ACTR3C: variants seen among roughly 807,000 people sequenced by gnomAD.
The protein encoded by ACTR3C is actin related protein 3C, also known as actin-related protein 3C.
In ACTR3C, 18 loss-of-function variants were observed where a neutral mutation model predicts 26.3. The ratio of observed to expected loss-of-function variants is 0.68; its 90% CI spans 0.47 to 1.01. The LOEUF is 1.01. ACTR3C is among the 50% of genes least tolerant of loss of function. The pLI is 0.00. For missense variants in ACTR3C, 184 were observed against 250.7 expected, an observed-to-expected ratio of 0.73 and a Z score of 1.80; for synonymous variants, 55 against 94.5, an observed-to-expected ratio of 0.58 and a Z score of 2.42.
chr7:150,072,720 A>C, the ACTR3C span, among the ~76,000 whole-genome samples: 1 of 152,222 alleles, frequency 6.6e-6, no homozygotes, highest in Non-Finnish European at 1.5e-5. Context: ...GCAGGCAGGC[A>C]GCCACCCATG....
At chr7:150,169,387 G>A in the ACTR3C span, among the ~76,000 whole-genome samples, 50 of 32,372 alleles carry the variant, frequency 1.5e-3, no homozygotes, top group East Asian at 0.049. Context: ...CATTTCAAAA[G>A]GAAAAAAAAA....
the ACTR3C span, among the ~76,000 whole-genome samples, chr7:150,036,566 G>C: frequency 2.1e-5 from 3 of 144,350 alleles, 1 homozygote; most frequent in Non-Finnish European, 1.6e-5. Context: ...CGACCCCTTT[G>C]TGACCTCATA....
At chr7:150,267,751 A>T (rs1279115514) in intron 6 of ACTR3C, among the ~76,000 whole-genome samples, 2 of 152,188 alleles carry the variant, frequency 1.3e-5, no homozygotes, top group African/African-American at 4.8e-5. Context: ...CTTGGGACGC[A>T]TGCCCCACGG....
At chr7:150,038,821 G>A in the ACTR3C span, among the ~76,000 whole-genome samples, 1 of 135,226 alleles carries the variant, frequency 7.4e-6, no homozygotes, top group Non-Finnish European at 1.6e-5. Flanking sequence ...CCCCCTCTGC[G>A]ATGGGGGTCC....
chr7:150,129,909 TA>T, the ACTR3C span, among the ~76,000 whole-genome samples: 3 of 152,050 alleles, frequency 2.0e-5, no homozygotes, highest in Non-Finnish European at 2.9e-5. Flanking sequence ...TCTGAAGACT[TA>T]AACGACCTGA....
chr7:149,907,552 C>A, the ACTR3C span, among the ~76,000 whole-genome samples: 11 of 148,714 alleles, frequency 7.4e-5, no homozygotes, highest in Non-Finnish European at 1.5e-4. Context: ...TTCTTTTACT[C>A]CCACCTCTTT....
At chr7:149,969,791 A>T in the ACTR3C span, among the ~76,000 whole-genome samples, 4 of 152,218 alleles carry the variant, frequency 2.6e-5, no homozygotes, top group African/African-American at 9.6e-5. Flanking sequence ...CTGCAAGGTT[A>T]GCGTTATGTT....
the ACTR3C span, among the ~76,000 whole-genome samples, chr7:149,934,724 C>T: frequency 6.7e-6 from 1 of 148,604 alleles, no homozygotes; most frequent in Non-Finnish European, 1.5e-5. Flanking sequence ...TGCGGGTTCC[C>T]GGGCCAACAC....
chr7:150,199,751 A>G, the ACTR3C span, among the ~76,000 whole-genome samples: 10 of 139,172 alleles, frequency 7.2e-5, no homozygotes, highest in Non-Finnish European at 1.1e-4. Context: ...AAAAAAACAT[A>G]GTACTGGAGG....
chr7:150,023,146 TATCTATATAGATATCTATATAG>T, the ACTR3C span, among the ~76,000 whole-genome samples: 1 of 131,042 alleles, frequency 7.6e-6, no homozygotes, highest in African/African-American at 2.9e-5. Flanking sequence ...TATATATAGA[TATCTATATAGATATCTATATAG>T]ATATATAGAT....
the ACTR3C span, among the ~76,000 whole-genome samples, chr7:150,167,344 G>A: frequency 7.6e-3 from 1,150 of 150,634 alleles, 101 homozygotes; most frequent in African/African-American, 0.027. Flanking sequence ...GTCTAAAAAG[G>A]AATATTTTAG....
Position 150,280,798 on chromosome 7 carries a change from A to ATGTG in ACTR3C, c.564+3951_564+3954dup, listed in dbSNP as rs200924995. Among the ~76,000 whole-genome samples the ATGTG allele has an allele frequency of 7.1e-3, 1,049 of 147,560 alleles. 10 individuals carry two copies. The highest frequency in any genetic ancestry group is 0.02 in the African/African-American group (780 of 39,156). On this transcript the variant is annotated intron_variant, in intron 6 of 7. Transcript: ENST00000683684. ...AATATGCACAATTTTCCTGCTCTTG[A>ATGTG]TGTGTGTGTGTGTGTGTGTGTATAT... is the stretch of plus-strand genomic sequence containing the variant.
chr7:150,163,430 A>G, the ACTR3C span, among the ~76,000 whole-genome samples: 1 of 151,286 alleles, frequency 6.6e-6, no homozygotes, highest in Non-Finnish European at 1.5e-5. Flanking sequence ...ATCTGTTTGT[A>G]TATATACATA....
At chr7:150,203,476 T>C in the ACTR3C span, among the ~76,000 whole-genome samples, 2 of 152,344 alleles carry the variant, frequency 1.3e-5, no homozygotes, top group East Asian at 3.8e-4. Context: ...TAAAATCACA[T>C]AAACCAAAAT....
chr7:150,059,757 C>G, the ACTR3C span, among the ~76,000 whole-genome samples: 2 of 152,208 alleles, frequency 1.3e-5, no homozygotes, highest in Non-Finnish European at 2.9e-5. Context: ...TTTGAGCTGG[C>G]ATCATAAGAG....
intron 1 of ACTR3C, among the ~76,000 whole-genome samples, chr7:150,306,317 A>G (rs1486185360): frequency 5.9e-5 from 9 of 151,974 alleles, no homozygotes; most frequent in Non-Finnish European, 1.2e-4. Context: ...CCACATGCCT[A>G]AGATTAGATG....
chr7:149,938,438 A>C, the ACTR3C span, among the ~76,000 whole-genome samples: 5 of 23,986 alleles, frequency 2.1e-4, no homozygotes, highest in Non-Finnish European at 3.4e-3. Context: ...GAAATTTAGG[A>C]GATTTTTTTT....
intron 6 of ACTR3C, among the ~76,000 whole-genome samples, chr7:150,253,683 C>A (rs1200742733): frequency 6.6e-6 from 1 of 151,742 alleles, no homozygotes; most frequent in South Asian, 2.1e-4. Flanking sequence ...ATAAATAGTA[C>A]AATTTGTACT....
the ACTR3C span, among the ~76,000 whole-genome samples, chr7:149,979,742 G>C: frequency 1.3e-5 from 2 of 151,208 alleles, no homozygotes; most frequent in African/African-American, 2.4e-5. Flanking sequence ...ATGTGCACTA[G>C]ATCAAGTTTC....
Sources: allele counts gnomAD v4.1 joint callset (sites outside exome capture counted in the v4.1 genomes callset), GRCh38; gene constraint gnomAD v4.1.1; transcripts MANE v1.5; gene names NCBI Gene and HGNC (gene_info 2026-07-23, HGNC 2026-07-21).